Variants in ZNF577 observed in about 807,000 individuals in gnomAD.
The protein encoded by ZNF577 is zinc finger protein 577.
Under a neutral mutation model 13.9 loss-of-function variants are expected in ZNF577, and 14 were observed. The observed-to-expected ratio is 1.00, with a 90% CI of 0.66 to 1.57. ZNF577 has a LOEUF of 1.57. ZNF577 is among the 40% of genes most tolerant of loss of function. The pLI is 0.00. For missense variants in ZNF577, 555 were observed against 579.2 expected, an observed-to-expected ratio of 0.96 and a Z score of 0.43; for synonymous variants, 203 against 202.9, an observed-to-expected ratio of 1.00 and a Z score of 0.00.
intron 8 of ZNF577, chr19:51,840,183 C>G (rs775190087): frequency 6.6e-6 from 1 of 152,222 alleles, no homozygotes; most frequent in Non-Finnish European, 1.5e-5. Flanking sequence ...CCAGCTGCTA[C>G]CAGCAGCGTT....
chr19:51,868,332 A>G lies in ZNF577; in HGVS notation c.*4200T>C, dbSNP rs2084598720. On this transcript the variant is annotated 3_prime_UTR_variant, in exon 6 of 6. Transcript: ENST00000638348. Reference sequence around the variant, plus strand: ...CTAAAAAAGTTTCATCTGGGGTGTAAAAGGAGAAAGTCAGCAGAGTAAGGT... The same window carrying G: ...CTAAAAAAGTTTCATCTGGGGTGTAGAAGGAGAAAGTCAGCAGAGTAAGGT... Among the ~76,000 whole-genome samples the G allele has an allele frequency of 6.6e-6, 1 of 152,132 alleles. No individual in the cohort carries two copies. The highest frequency in any genetic ancestry group is 6.5e-5 in the Admixed American group (1 of 15,272).
chr19:51,825,901 T>C (rs2084229188), intron 9 of ZNF577: 1 of 167,080 alleles, frequency 6.0e-6, no homozygotes, highest in African/African-American at 2.4e-5. Context: ...ATAGTGTTTT[T>C]TTAGAAAAAA....
Position 51,873,560 on chromosome 19 carries a change from G to A in ZNF577, c.430C>T (p.Gln144Ter). ...CAAATTTTTTGTAGGTCATTGAGCT[G>A]TGATTTAGGGCTGCTGGGTTTAACA... is the stretch of plus-strand genomic sequence containing the variant. ...RCVKPSSPKSQLNDLQKICAG... is the reference protein window; with the variant it reads ...RCVKPSSPKS The change falls in exon 6 of 6, where the codon CAG becomes TAG. Residue 144 changes from glutamine (Q) to a stop codon, truncating the protein, a stop_gained. Transcript: ENST00000638348. LOFTEE classifies it low-confidence loss of function (END_TRUNC). The A allele has an allele frequency of 6.2e-7, 1 of 1,614,214 alleles. No individual in the cohort carries two copies. The highest frequency in any genetic ancestry group is 1.7e-5 in the Admixed American group (1 of 60,030).
intron 5 of ZNF577, among the ~76,000 whole-genome samples, chr19:51,858,382 T>C (rs2122592129): frequency 6.6e-6 from 1 of 152,010 alleles, no homozygotes; most frequent in Admixed American, 6.5e-5. Flanking sequence ...GGGTAGGGAG[T>C]CCCTCCCTCA....
chr19:51,847,639 C>A (rs545217046), intron 5 of ZNF577, among the ~76,000 whole-genome samples: 1 of 152,184 alleles, frequency 6.6e-6, no homozygotes, highest in South Asian at 2.1e-4. Flanking sequence ...TTCCTCAATC[C>A]ACAGCTCTAA....
chr19:51,843,892 C>G (rs1358744679), intron 6 of ZNF577, among the ~76,000 whole-genome samples: 1 of 152,078 alleles, frequency 6.6e-6, no homozygotes, highest in Non-Finnish European at 1.5e-5. Context: ...AAGGGGGCAA[C>G]ATATGTATCT....
intron 9 of ZNF577, among the ~76,000 whole-genome samples, chr19:51,819,320 T>C (rs2084170522): frequency 6.6e-6 from 1 of 152,146 alleles, no homozygotes; most frequent in Non-Finnish European, 1.5e-5. Context: ...ATAATTCAGA[T>C]GAGAGGATAG....
chr19:51,860,759 G>T (rs1372770568), intron 5 of ZNF577: 5 of 284,024 alleles, frequency 1.8e-5, no homozygotes, highest in Non-Finnish European at 2.0e-5. Flanking sequence ...ATTAATAGGG[G>T]TTTCCTCTTG....
intron 10 of ZNF577, among the ~76,000 whole-genome samples, chr19:51,808,538 A>C (rs114997170): frequency 1.3e-3 from 204 of 152,300 alleles, no homozygotes; most frequent in African/African-American, 4.7e-3. Flanking sequence ...ATAGCGTAAG[A>C]CTGTTAAGCA....
intron 5 of ZNF577, among the ~76,000 whole-genome samples, chr19:51,852,941 T>C (rs1432206764): frequency 1.4e-4 from 21 of 151,728 alleles, no homozygotes; most frequent in South Asian, 1.0e-3. Flanking sequence ...TTCTTTTTTT[T>C]TTTCTTTGAG....
intron 9 of ZNF577, among the ~76,000 whole-genome samples, chr19:51,820,015 A>G (rs564842890): frequency 2.0e-5 from 3 of 152,336 alleles, no homozygotes; most frequent in Admixed American, 6.5e-5. Flanking sequence ...CACAATAGCA[A>G]GGGCACGTAA....
chr19:51,858,479 G>A (rs1383042016), intron 5 of ZNF577, among the ~76,000 whole-genome samples: 1 of 152,172 alleles, frequency 6.6e-6, no homozygotes, highest in Middle Eastern at 3.2e-3. Context: ...ATCCAGATTA[G>A]TGTTTAGTAC....
rs143644530 is a variant in ZNF577 at position 51,824,189 on chromosome 19, G to C, written c.*600-12515C>G. The C allele has an allele frequency of 8.7e-6, 14 of 1,613,966 alleles. No individual in the cohort carries two copies. The highest frequency in any genetic ancestry group is 1.1e-5 in the Non-Finnish European group (13 of 1,180,022). ...TGAGTCTGGCCAAGAGGGTGATGAC[G>C]GGACTCTGGATTTTCACCATAGTCC... On this transcript the variant is annotated intron_variant and NMD_transcript_variant, in intron 9 of 10. Coordinates refer to the ZNF577 transcript ENST00000638827. The surrounding 1 kb of genome is among the most constrained non-coding windows in gnomAD (Gnocchi z 4.7).
chr19:51,872,863 T>C lies in ZNF577; in HGVS notation c.1127A>G (p.His376Arg). 1 of 1,614,126 alleles carries C rather than the reference T, an allele frequency of 6.2e-7. No individual in the cohort carries two copies. Among genetic ancestry groups the C allele is most frequent in the South Asian group, 1.1e-5 (1 of 91,084 alleles). The part of the protein sequence containing the change: ...MSVLIKHEKT[H>R]IRETAINSLT... ...TGAATTTATGGCTGTCTCTCTTATG[T>C]GAGTTTTCTCATGTTTAATGAGGAC... The change falls in exon 6 of 6, where the codon CAC (histidine) becomes CGC (arginine). Residue 376 changes from histidine (H) to arginine (R), a missense_variant. Transcript: ENST00000638348.
chr19:51,872,906 C>T lies in ZNF577; in HGVS notation c.1084G>A (p.Ala362Thr). ...ATGAGGACTGACATGTGGGCAAAGG[C>T]TTTGCCACATTCTCTGCATGAATAT... Reference protein sequence around the residue: ...RPYSCRECGKAFAHMSVLIKH... With the variant: ...RPYSCRECGKTFAHMSVLIKH... Residue 362 changes from alanine to threonine, a missense_variant, in exon 6 of 6, where the codon GCC becomes ACC. Coordinates refer to ENST00000638348, the MANE Select transcript of ZNF577 (RefSeq NM_001370449.1). 2 of 1,614,194 alleles carry T rather than the reference C, an allele frequency of 1.2e-6. No individual in the cohort carries two copies. Among genetic ancestry groups the T allele is most frequent in the Non-Finnish European group, 1.7e-6 (2 of 1,180,028 alleles).
chr19:51,877,551 C>T lies in ZNF577; in HGVS notation c.188-174G>A, dbSNP rs186012868. On this transcript the variant is annotated intron_variant, in intron 4 of 5. Coordinates refer to ENST00000638348, the MANE Select transcript of ZNF577 (RefSeq NM_001370449.1). ...GGGAGGAAAATAACAGTCTGCGTGA[C>T]ACACCCATACCCATTAGGATGGCTA... 2.3e-4 allele frequency: 128 copies of T among 566,902 alleles called. 1 individual carries two copies. Among genetic ancestry groups the T allele is most frequent in the Non-Finnish European group, 3.9e-4 (125 of 317,110 alleles). 35.1% of individuals were successfully genotyped at this position (566,902 alleles called of 1,614,324 possible). A position where few individuals can be genotyped will look rare whatever the true frequency, so the allele number is the denominator to read the frequency against.
At chr19:51,852,634 A>G (rs925538507) in intron 5 of ZNF577, among the ~76,000 whole-genome samples, 1 of 152,216 alleles carries the variant, frequency 6.6e-6, no homozygotes, top group Non-Finnish European at 1.5e-5. Context: ...AAACTGGCTG[A>G]GGGAAAGTGC....
chr19:51,845,535 C>T (rs2084346988), intron 5 of ZNF577, among the ~76,000 whole-genome samples: 1 of 152,000 alleles, frequency 6.6e-6, no homozygotes, highest in Non-Finnish European at 1.5e-5. Context: ...TTATTTACTA[C>T]AGTCACCATG....
rs1386891677 is a variant in ZNF577 at position 51,877,357 on chromosome 19, C to A, written c.208G>T (p.Asp70Tyr). ...CCTTGCTCCAACTTGAAGAGCGAATCTGGCTTGGTGCCTCGATACCCTGTA... is the reference window on the plus strand; with the variant it reads ...CCTTGCTCCAACTTGAAGAGCGAATATGGCTTGGTGCCTCGATACCCTGTA... ...VSIGYRGTKP[D>Y]SLFKLEQGEP... The change falls in exon 5 of 6, where the codon GAT becomes TAT. Residue 70 changes from aspartate (D) to tyrosine (Y), a missense_variant. Asp to Tyr is a radical substitution (Grantham distance 160, BLOSUM62 -3). Transcript: ENST00000638348. 2 of 1,614,142 alleles carry A rather than the reference C, an allele frequency of 1.2e-6. No homozygotes were observed. The highest frequency in any genetic ancestry group is 1.7e-6 in the Non-Finnish European group (2 of 1,179,994).
Sources: gnomAD v4.1 joint callset for allele counts (sites outside exome capture counted in the v4.1 genomes callset) on GRCh38, gnomAD v4.1.1 for gene constraint, Gnocchi (gnomAD v3.1) non-coding constraint, MANE v1.5 for transcripts, NCBI Gene and HGNC (gene_info 2026-07-23, HGNC 2026-07-21) for gene names.